Variants in OR10J1 observed in about 807,000 individuals in gnomAD.
OR10J1 encodes the protein olfactory receptor family 10 subfamily J member 1.
For missense variants in OR10J1, 474 were observed against 376.6 expected (o/e 1.26, Z -2.14); for synonymous variants, 202 against 143.8 (o/e 1.40, Z -2.89).
rs993180852 is a variant in OR10J1 at position 159,440,865 on chromosome 1, T to C, written c.*144T>C. 3 of 821,622 alleles carry C rather than the reference T, an allele frequency of 3.7e-6. No homozygotes were observed. The highest frequency in any genetic ancestry group is 5.5e-6 in the Non-Finnish European group (3 of 540,608). 50.9% of individuals were successfully genotyped at this position (821,622 alleles called of 1,614,324 possible). Reference sequence around the variant, plus strand: ...AATAGCAGTTTCATACAACTGGGAGTCTGAAGCTTTAAATAAAGTTACTGG... The same window carrying C: ...AATAGCAGTTTCATACAACTGGGAGCCTGAAGCTTTAAATAAAGTTACTGG... On this transcript the variant is annotated 3_prime_UTR_variant, in exon 1 of 1. Transcript: ENST00000423932.
chr1:159,414,949 G>A, the OR10J1 span, among the ~76,000 whole-genome samples: 4 of 151,988 alleles, frequency 2.6e-5, no homozygotes, highest in Non-Finnish European at 4.4e-5. Context: ...GTTGAGGTGA[G>A]TTCCTTGTAT....
At chr1:159,429,353 G>C in the OR10J1 span, among the ~76,000 whole-genome samples, 1 of 152,194 alleles carries the variant, frequency 6.6e-6, no homozygotes, top group African/African-American at 2.4e-5. Flanking sequence ...AAACTGAAGA[G>C]ACCTCAGAGG....
the OR10J1 span, among the ~76,000 whole-genome samples, chr1:159,411,308 T>A: frequency 6.6e-6 from 1 of 152,154 alleles, no homozygotes; most frequent in African/African-American, 2.4e-5. Context: ...TGTTAAAGTC[T>A]CCCATTTTTA....
chr1:159,432,379 C>T, the OR10J1 span: 1 of 402,730 alleles, frequency 2.5e-6, no homozygotes. Flanking sequence ...CTTCACACGC[C>T]CATGTATTTC....
At chr1:159,398,499 A>G in the OR10J1 span, among the ~76,000 whole-genome samples, 4 of 152,214 alleles carry the variant, frequency 2.6e-5, no homozygotes, top group African/African-American at 9.6e-5. Context: ...AACTCAAGGA[A>G]ATTCAAGATA....
At chr1:159,435,818 A>G (rs1655720936), upstream of OR10J1, among the ~76,000 whole-genome samples, 1 of 152,212 alleles carries the variant, frequency 6.6e-6, no homozygotes, top group Non-Finnish European at 1.5e-5. Flanking sequence ...CTGCAGAACT[A>G]GAAGATTTTG....
At chr1:159,431,357 T>C in the OR10J1 span, among the ~76,000 whole-genome samples, 1 of 152,072 alleles carries the variant, frequency 6.6e-6, no homozygotes, top group Non-Finnish European at 1.5e-5. Flanking sequence ...TGGAGCAAGT[T>C]TTGAGGAGAG....
chr1:159,423,935 A>C, the OR10J1 span, among the ~76,000 whole-genome samples: 4 of 152,150 alleles, frequency 2.6e-5, no homozygotes, highest in African/African-American at 4.8e-5. Context: ...GGTGGTTTCT[A>C]ACATTAAAAG....
the OR10J1 span, among the ~76,000 whole-genome samples, chr1:159,399,570 C>CAAAAAAAAAA: frequency 1.2e-3 from 68 of 56,052 alleles, 1 homozygote; most frequent in East Asian, 1.4e-3. Flanking sequence ...GATTCTGTCT[C>CAAAAAAAAAA]AAAAAAAAAA....
the OR10J1 span, among the ~76,000 whole-genome samples, chr1:159,413,666 A>G: frequency 1.4e-5 from 2 of 141,386 alleles, no homozygotes; most frequent in Non-Finnish European, 3.1e-5. Flanking sequence ...AGGAAGGGGA[A>G]CATCACACTC....
chr1:159,417,043 T>G, the OR10J1 span, among the ~76,000 whole-genome samples: 6 of 152,122 alleles, frequency 3.9e-5, no homozygotes, highest in Non-Finnish European at 2.9e-5. Context: ...TTCATTGATT[T>G]TTTGTTTTTT....
At chr1:159,439,282 A>G (rs1452545159), upstream of OR10J1, among the ~76,000 whole-genome samples, 1 of 152,246 alleles carries the variant, frequency 6.6e-6, no homozygotes, top group African/African-American at 2.4e-5. Flanking sequence ...CACCCAATCC[A>G]TGCATAATTT....
At chr1:159,439,280 C>T (rs1344714392), upstream of OR10J1, among the ~76,000 whole-genome samples, 1 of 152,208 alleles carries the variant, frequency 6.6e-6, no homozygotes, top group Non-Finnish European at 1.5e-5. Context: ...AGCACCCAAT[C>T]CATGCATAAT....
upstream of OR10J1, among the ~76,000 whole-genome samples, chr1:159,434,471 G>A (rs1655679480): frequency 6.6e-6 from 1 of 151,976 alleles, no homozygotes; most frequent in Non-Finnish European, 1.5e-5. Flanking sequence ...TTTTCACTCA[G>A]CACAACCCCA....
chr1:159,416,154 G>C, the OR10J1 span, among the ~76,000 whole-genome samples: 16,659 of 151,800 alleles, frequency 0.11, 1,153 homozygotes, highest in Admixed American at 0.15. Context: ...ATTTATTCTT[G>C]TCCAGTTTGA....
At chr1:159,418,949 G>C in the OR10J1 span, among the ~76,000 whole-genome samples, 3 of 152,188 alleles carry the variant, frequency 2.0e-5, no homozygotes, top group Non-Finnish European at 2.9e-5. Flanking sequence ...ACTGCCCCAT[G>C]GGATTTCAGA....
chr1:159,405,566 G>T, the OR10J1 span: 4 of 378,928 alleles, frequency 1.1e-5, no homozygotes, highest in Non-Finnish European at 1.6e-5. Flanking sequence ...AGTCTGTTCT[G>T]CCCCAGGAAA....
the OR10J1 span, among the ~76,000 whole-genome samples, chr1:159,423,916 G>A: frequency 6.6e-6 from 1 of 152,044 alleles, no homozygotes; most frequent in Non-Finnish European, 1.5e-5. Flanking sequence ...GATATGAATG[G>A]ACAGCCAAGG....
At chr1:159,430,123 A>C in the OR10J1 span, among the ~76,000 whole-genome samples, 2 of 152,114 alleles carry the variant, frequency 1.3e-5, no homozygotes, top group South Asian at 4.2e-4. Context: ...TATCAAGTGG[A>C]AAAAATGAAT....
Sources: allele counts gnomAD v4.1 joint callset (sites outside exome capture counted in the v4.1 genomes callset), GRCh38; gene constraint gnomAD v4.1.1; transcripts MANE v1.5; gene names NCBI Gene and HGNC (gene_info 2026-07-23, HGNC 2026-07-21).